Variants in ATP2A1 observed in about 807,000 individuals in gnomAD.
The protein encoded by ATP2A1 is sarcoplasmic/endoplasmic reticulum calcium ATPase 1.
Under a neutral mutation model 109.5 loss-of-function variants are expected in ATP2A1, and 83 were observed. That is an observed-to-expected ratio of 0.76 (90% confidence interval 0.63 to 0.91). The LOEUF (loss-of-function observed/expected upper bound fraction) is 0.91, where lower values mean the gene tolerates loss of function less well. Among genes scored for constraint, ATP2A1 ranks in the 40% least tolerant of loss-of-function variants. ATP2A1 has a pLI of 0.00. For missense variants in ATP2A1, 1,101 were observed against 1,341.0 expected (o/e 0.82, Z 2.80); for synonymous variants, 505 against 537.6 (o/e 0.94, Z 0.84).
In ATP2A1 at chr16:28,902,937, C is replaced by A; in HGVS notation, c.2744+26C>A. The A allele has an allele frequency of 2.5e-6, 4 of 1,613,798 alleles. No individual in the cohort carries two copies. The highest frequency in any genetic ancestry group is 3.4e-6 in the Non-Finnish European group (4 of 1,179,906). ...GTGGGGGCCCCCCAGCTACACCCAC[C>A]ACCCTCCCCTGAGGCCACTGCCCAC... On this transcript the variant is annotated intron_variant, in intron 19 of 22. Coordinates refer to ENST00000395503, the MANE Select transcript of ATP2A1 (RefSeq NM_004320.6). The surrounding 1 kb of genome is among the most constrained non-coding windows in gnomAD (Gnocchi z 4.8).
intron 6 of ATP2A1, among the ~76,000 whole-genome samples, 193 bp downstream of exon 6, chr16:28,884,848 T>C (rs1963576028): frequency 6.6e-6 from 1 of 152,316 alleles, no homozygotes; most frequent in African/African-American, 2.4e-5. Context: ...CTCAGGATGC[T>C]GAGGCAGGAG....
chr16:28,878,529 G>A lies in ATP2A1; in HGVS notation c.-143G>A, dbSNP rs1963339147. ...GGGACGGGGGTCAGAGCTTTGTGGA[G>A]GGAAGAAAAACCTGGAGGGGGCAGG... On this transcript the variant is annotated 5_prime_UTR_variant, in exon 1 of 23. Coordinates refer to ENST00000395503, the MANE Select transcript of ATP2A1 (RefSeq NM_004320.6). 2.6e-6 allele frequency: 2 copies of A among 779,846 alleles called. No individual in the cohort carries two copies. The highest frequency in any genetic ancestry group is 4.4e-6 in the Non-Finnish European group (2 of 458,688). The allele number at this position is 779,846 out of a possible 1,614,324, so 48.3% of individuals were successfully genotyped here.
At position 28,878,630 on chromosome 16, in the gene ATP2A1, T is replaced by C. The variant is rs1371005381; in HGVS notation, c.-42T>C. The C allele has an allele frequency of 6.5e-7, 1 of 1,537,688 alleles. No individual in the cohort carries two copies. Among genetic ancestry groups the C allele is most frequent in the Non-Finnish European group, 8.9e-7 (1 of 1,129,050 alleles). ...AGACCCCCCACGAGTGGGAACCCCC[T>C]GGAAGGAACACACCGGCCCCGGCCC... On this transcript the variant is annotated 5_prime_UTR_variant, in exon 1 of 23. Coordinates refer to ENST00000395503, the MANE Select transcript of ATP2A1 (RefSeq NM_004320.6).
rs1421876592 is a variant in ATP2A1 at position 28,878,655 on chromosome 16, C to G, written c.-17C>G. 5 of 1,584,046 alleles carry G rather than the reference C, an allele frequency of 3.2e-6. No homozygotes were observed. In the South Asian group the frequency reaches 4.6e-5, roughly 14 times the overall value. On this transcript the variant is annotated 5_prime_UTR_variant, in exon 1 of 23. Coordinates refer to ENST00000395503, the MANE Select transcript of ATP2A1 (RefSeq NM_004320.6). ...TGGAAGGAACACACCGGCCCCGGCC[C>G]CCAGGAAGGGAGCACAATGGAGGCC...
Position 28,904,217 on chromosome 16 carries a change from C to T in ATP2A1, c.*75C>T. 1 of 1,613,724 alleles carries T rather than the reference C, an allele frequency of 6.2e-7. No individual in the cohort carries two copies. The stretch of plus-strand genomic sequence containing the variant: ...AAAGAAGGAAGTGAGCATCCTTTTG[C>T]TCTGTCCTCCCCACCCCGATAGTGA... On this transcript the variant is annotated 3_prime_UTR_variant, in exon 23 of 23. Coordinates refer to ENST00000395503, the MANE Select transcript of ATP2A1 (RefSeq NM_004320.6).
At position 28,898,373 on chromosome 16, in the gene ATP2A1, G is replaced by A. The variant is rs1285027426; in HGVS notation, c.1686G>A (p.Leu562=). The change falls in exon 14 of 23, where the codon TTG becomes TTA. Residue 562 remains leucine (L), a synonymous_variant. Coordinates refer to ENST00000395503, the MANE Select transcript of ATP2A1 (RefSeq NM_004320.6). This position sits in a 1 kb window ranked among gnomAD's most constrained non-coding sequence, Gnocchi z 4.0. ...WGTGRDTLRC[L]ALATRDTPPK... is the part of the protein sequence containing the mutation. Reference sequence around the variant, plus strand: ...CTGGCCGGGACACCCTGCGCTGCTTGGCCCTGGCCACCCGGGACACCCCCC... The same window carrying A: ...CTGGCCGGGACACCCTGCGCTGCTTAGCCCTGGCCACCCGGGACACCCCCC... 2.5e-6 allele frequency: 4 copies of A among 1,614,072 alleles called. No homozygotes were observed. In the Admixed American group the frequency reaches 5.0e-5, roughly 20 times the overall value.
intron 4 of ATP2A1, 147 bp from the exon 5 acceptor site, chr16:28,882,304 C>A: frequency 8.1e-7 from 1 of 1,230,842 alleles, no homozygotes; most frequent in Non-Finnish European, 1.2e-6. Context: ...AACCCTCTCA[C>A]CTGTTTTCAC....
Position 28,900,873 on chromosome 16 carries a change from A to C in ATP2A1, c.2057A>C (p.Lys686Thr). The change falls in exon 15 of 23, where the codon AAG (lysine) becomes ACG (threonine). Residue 686 changes from lysine (K) to threonine (T), a missense_variant. Physicochemically the swap from Lys to Thr is moderately conservative, Grantham distance 78. Coordinates refer to ENST00000395503, the MANE Select transcript of ATP2A1 (RefSeq NM_004320.6). ...FARVEPSHKS[K>T]IVEYLQSYDE... ...CGTGTGGAGCCCTCGCACAAGTCCA[A>C]GATTGTGGAGTACCTGCAGTCCTAC... The C allele has an allele frequency of 6.2e-7, 1 of 1,614,152 alleles. No homozygotes were observed. Among genetic ancestry groups the C allele is most frequent in the African/African-American group, 1.3e-5 (1 of 75,062 alleles).
At chr16:28,878,897 C>A in intron 1 of ATP2A1, 108 bp downstream of exon 1, 2 of 1,391,668 alleles carry the variant, frequency 1.4e-6, no homozygotes, top group Non-Finnish European at 2.0e-6. Flanking sequence ...TAAGGAAGAG[C>A]TGGGCCGTTG....
At position 28,880,837 on chromosome 16, in the gene ATP2A1, C is replaced by A; in HGVS notation, c.220-78C>A. 2 of 1,389,540 alleles carry A rather than the reference C, an allele frequency of 1.4e-6. No individual in the cohort carries two copies. The highest frequency in any genetic ancestry group is 2.0e-6 in the Non-Finnish European group (2 of 976,358). The allele number at this position is 1,389,540 out of a possible 1,614,324, so 86.1% of individuals were successfully genotyped here. The stretch of plus-strand genomic sequence containing the variant: ...CTGCACTCTCCTGCACAGTTCTCCC[C>A]TTTGCAGTGGTCCACTTCCTTTCTC... On this transcript the variant is annotated intron_variant, in intron 3 of 22. Transcript: ENST00000395503. This position sits in a 1 kb window ranked among gnomAD's most constrained non-coding sequence, Gnocchi z 4.2.
intron 9 of ATP2A1, among the ~76,000 whole-genome samples, chr16:28,893,126 G>A (rs1963820479): frequency 2.0e-5 from 3 of 151,660 alleles, no homozygotes; most frequent in African/African-American, 4.8e-5. Flanking sequence ...GTGGGTGCCT[G>A]TACTCCCAGC....
intron 9 of ATP2A1, among the ~76,000 whole-genome samples, chr16:28,892,115 A>G (rs532238885): frequency 1.3e-5 from 2 of 152,272 alleles, no homozygotes; most frequent in South Asian, 4.1e-4. Context: ...AAATTATGCT[A>G]TTTTGAGAGA....
chr16:28,903,065 C>T lies in ATP2A1; in HGVS notation c.2780C>T (p.Pro927Leu), dbSNP rs1964134313. 6.2e-7 allele frequency: 1 copy of T among 1,613,896 alleles called. No homozygotes were observed. The highest frequency in any genetic ancestry group is 2.2e-5 in the East Asian group (1 of 44,874). Residue 927 changes from proline (P) to leucine (L), a missense_variant, in exon 20 of 23, where the codon CCC becomes CTC. By Grantham distance (98) the Pro-to-Leu change is moderately conservative. Transcript: ENST00000395503. This position sits in a 1 kb window ranked among gnomAD's most constrained non-coding sequence, Gnocchi z 5.6. ...AACCAGTCCCTGCTGCGGATGCCAC[C>T]CTGGGTGAACATCTGGCTGCTGGGC... ...SENQSLLRMP[P>L]WVNIWLLGSI...
At chr16:28,888,525 C>T (rs1963682369) in intron 8 of ATP2A1, among the ~76,000 whole-genome samples, 2 of 152,142 alleles carry the variant, frequency 1.3e-5, no homozygotes. Flanking sequence ...CCTCTTGTCC[C>T]AGCCTCCTGG....
chr16:28,882,239 G>A (rs370940625), intron 4 of ATP2A1, among the ~76,000 whole-genome samples: 25 of 151,708 alleles, frequency 1.6e-4, no homozygotes, highest in Middle Eastern at 3.4e-3. Flanking sequence ...GATTACAGGC[G>A]TGAGTCACCA....
chr16:28,892,275 G>GT (rs1963792358), intron 9 of ATP2A1: 5 of 242,088 alleles, frequency 2.1e-5, no homozygotes, highest in Non-Finnish European at 3.5e-5. Context: ...AAAAGCTGTC[G>GT]TTTTTTTCTT....
In ATP2A1 at chr16:28,878,653, C is replaced by A. The variant is rs1453857738; in HGVS notation, c.-19C>A. ...CCTGGAAGGAACACACCGGCCCCGG[C>A]CCCCAGGAAGGGAGCACAATGGAGG... On this transcript the variant is annotated 5_prime_UTR_variant, in exon 1 of 23. Coordinates refer to ENST00000395503, the MANE Select transcript of ATP2A1 (RefSeq NM_004320.6). 1.3e-6 allele frequency: 2 copies of A among 1,580,602 alleles called. No individual in the cohort carries two copies. Among genetic ancestry groups the A allele is most frequent in the Admixed American group, 1.8e-5 (1 of 55,012 alleles).
In ATP2A1 at chr16:28,894,512, AATG is replaced by A. The variant is rs750187341; in HGVS notation, c.1195_1197del (p.Asp399del). ...CCCTGACCCTGCTGCCAGCTTGAAG[AATG>A]ATAAGCCAGTCCGGCCAGGGCAGTA... On this transcript the variant is annotated inframe_deletion, in exon 11 of 23. Transcript: ENST00000395503. The A allele has an allele frequency of 3.1e-6, 5 of 1,613,802 alleles. No individual in the cohort carries two copies. The South Asian group carries it at 5.5e-5, about 18-fold the overall frequency.
chr16:28,888,834 A>AT lies in ATP2A1; in HGVS notation c.977dup (p.Met326IlefsTer45), dbSNP rs1963689908. 6.2e-7 allele frequency: 1 copy of AT among 1,603,366 alleles called. No homozygotes were observed. The highest frequency in any genetic ancestry group is 8.5e-7 in the Non-Finnish European group (1 of 1,174,468). On this transcript the variant is annotated frameshift_variant, in exon 9 of 23. Transcript: ENST00000395503. LOFTEE classifies it high-confidence loss of function. ...CTGCCTGGCCCTGGGTACCCGTCGGATGGCAAAGAAGAATGCCATTGTAAG... is the reference window on the plus strand; with the variant it reads ...CTGCCTGGCCCTGGGTACCCGTCGGATTGGCAAAGAAGAATGCCATTGTAAG...
Sources: gnomAD v4.1 joint callset for allele counts (sites outside exome capture counted in the v4.1 genomes callset) on GRCh38, gnomAD v4.1.1 for gene constraint, Gnocchi (gnomAD v3.1) non-coding constraint, MANE v1.5 for transcripts, NCBI Gene and HGNC (gene_info 2026-07-23, HGNC 2026-07-21) for gene names.